Variants in PID1 observed in about 807,000 individuals in gnomAD.
PID1 encodes the protein PTB-containing, cubilin and LRP1-interacting protein.
Under a neutral mutation model 19.1 loss-of-function variants are expected in PID1, and 10 were observed. The observed-to-expected ratio is 0.52, with a 90% CI of 0.32 to 0.89. The LOEUF (loss-of-function observed/expected upper bound fraction) is 0.89. Ranked by LOEUF, PID1 falls within the 40% of genes least tolerant of loss-of-function variation. The probability of loss-of-function intolerance (pLI) is 0.03; values close to 1 mark genes in which losing one functional copy is unlikely to be tolerated. For missense variants in PID1, 248 were observed against 285.3 expected, an observed-to-expected ratio of 0.87 and a Z score of 0.94; for synonymous variants, 130 against 116.0, an observed-to-expected ratio of 1.12 and a Z score of -0.78.
At chr2:229,144,611 G>A (rs749286013) in intron 2 of PID1, among the ~76,000 whole-genome samples, 5 of 151,994 alleles carry the variant, frequency 3.3e-5, no homozygotes, top group Admixed American at 6.6e-5. Flanking sequence ...CTAGCAAAAC[G>A]GAGGAAAGAG....
rs552566375 is a variant in PID1 at position 229,234,117 on chromosome 2, T to A, written c.30+36897A>T. Reference sequence around the variant, plus strand: ...AGCCAGCGCTTCATGAAAGGTTATGTCTTGAACTTAACTTTGAAAAATGAA... The same window carrying A: ...AGCCAGCGCTTCATGAAAGGTTATGACTTGAACTTAACTTTGAAAAATGAA... On this transcript the variant is annotated intron_variant, in intron 1 of 2. Coordinates refer to ENST00000392055, the MANE Select transcript of PID1 (RefSeq NM_001100818.2). Among the ~76,000 whole-genome samples, 16 of 152,260 alleles carry A rather than the reference T, an allele frequency of 1.1e-4. No individual in the cohort carries two copies. In the South Asian group the frequency reaches 3.3e-3, roughly 32 times the overall value.
At chr2:229,086,024 C>T (rs1289365113) in intron 2 of PID1, among the ~76,000 whole-genome samples, 1 of 152,118 alleles carries the variant, frequency 6.6e-6, no homozygotes, top group Non-Finnish European at 1.5e-5. Context: ...AATACATACC[C>T]TATTTTGCGC....
chr2:229,159,956 G>T (rs1690459077), intron 1 of PID1, among the ~76,000 whole-genome samples: 1 of 152,138 alleles, frequency 6.6e-6, no homozygotes, highest in South Asian at 2.1e-4. Context: ...ATCTGAAGGT[G>T]GTTTGCCAAG....
At chr2:229,270,989 C>T (rs746870327) in intron 1 of PID1, 25 bp downstream of exon 1, 1 of 1,385,000 alleles carries the variant, frequency 7.2e-7, no homozygotes, top group Non-Finnish European at 9.3e-7. Context: ...TCCAGGCTGG[C>T]CCCCGGCTCC....
rs866845722 is a variant in PID1, at chr2:229,253,615, A to C, written c.30+17399T>G. ...GCAAAAAAAAAAAAAAAAAAATTGC[A>C]CCCTTTCTCCATCTCCCAGTTAAGC... On this transcript the variant is annotated intron_variant, in intron 1 of 2. Coordinates refer to ENST00000392055, the MANE Select transcript of PID1 (RefSeq NM_001100818.2). Among the ~76,000 whole-genome samples the C allele has an allele frequency of 3.1e-4, 47 of 149,228 alleles. No individual in the cohort carries two copies. In the Middle Eastern group the frequency reaches 0.014, roughly 45 times the overall value.
In PID1 at chr2:229,064,577, G is replaced by A. The variant is rs1039922529; in HGVS notation, c.178-38469C>T. Among the ~76,000 whole-genome samples, 89 of 152,138 alleles carry A rather than the reference G, an allele frequency of 5.8e-4. 1 individual carries two copies. Among genetic ancestry groups the A allele is most frequent in the African/African-American group, 2.1e-3 (86 of 41,512 alleles). On this transcript the variant is annotated intron_variant, in intron 2 of 2. Transcript: ENST00000392055. Reference sequence around the variant, plus strand: ...CTCAAAACATAAGTAATTGTCCCAAGAATTCATTAAATTCATAAATTATCC... The same window carrying A: ...CTCAAAACATAAGTAATTGTCCCAAAAATTCATTAAATTCATAAATTATCC...
intron 2 of PID1, among the ~76,000 whole-genome samples, chr2:229,064,391 C>A (rs1043942086): frequency 6.6e-6 from 1 of 152,016 alleles, no homozygotes; most frequent in Non-Finnish European, 1.5e-5. Context: ...GAAGAAAGAA[C>A]AATTTAGGAA....
chr2:229,192,262 T>G (rs968863626), intron 1 of PID1, among the ~76,000 whole-genome samples: 1 of 152,184 alleles, frequency 6.6e-6, no homozygotes, highest in African/African-American at 2.4e-5. Flanking sequence ...AAAATATGTG[T>G]CAACTGTTGT....
At chr2:229,239,587 G>T (rs540244869) in intron 1 of PID1, among the ~76,000 whole-genome samples, 7 of 152,148 alleles carry the variant, frequency 4.6e-5, no homozygotes, top group African/African-American at 1.7e-4. Context: ...AGGAATAGGG[G>T]ATGGAAAGAA....
At chr2:229,035,506 ATGTG>A (rs3083806) in intron 2 of PID1, among the ~76,000 whole-genome samples, 4,685 of 148,186 alleles carry the variant, frequency 0.032, 92 homozygotes, top group South Asian at 0.047. Flanking sequence ...AATCATTTAT[ATGTG>A]TGTGTGTGTG....
chr2:229,218,337 T>C (rs10174309), intron 1 of PID1, among the ~76,000 whole-genome samples: 60,052 of 136,096 alleles, frequency 0.44, 13,740 homozygotes, highest in Non-Finnish European at 0.53. Flanking sequence ...AAAAGAAATA[T>C]AGAAAAGAAA....
intron 2 of PID1, among the ~76,000 whole-genome samples, chr2:229,084,964 C>A (rs894782385): frequency 2.0e-5 from 3 of 151,482 alleles, no homozygotes; most frequent in African/African-American, 7.3e-5. Context: ...AATCGAGTCA[C>A]CTCTTTTTAA....
intron 1 of PID1, among the ~76,000 whole-genome samples, chr2:229,166,949 C>G (rs1339090766): frequency 7.9e-6 from 1 of 127,098 alleles, no homozygotes; most frequent in Non-Finnish European, 1.6e-5. Flanking sequence ...ATGAACAGTA[C>G]TGAAAAGAAA....
At chr2:229,242,459 C>A (rs535567848) in intron 1 of PID1, among the ~76,000 whole-genome samples, 2 of 152,176 alleles carry the variant, frequency 1.3e-5, no homozygotes, top group African/African-American at 4.8e-5. Context: ...GTAAAACTGG[C>A]TGACTCCATA....
At chr2:229,136,745 C>T (rs898483073) in intron 2 of PID1, among the ~76,000 whole-genome samples, 1 of 152,148 alleles carries the variant, frequency 6.6e-6, no homozygotes, top group Non-Finnish European at 1.5e-5. Context: ...ATTATTAGTG[C>T]TATGTCATCC....
intron 1 of PID1, among the ~76,000 whole-genome samples, chr2:229,249,870 GA>G (rs1690106611): frequency 1.3e-5 from 2 of 151,960 alleles, no homozygotes; most frequent in Non-Finnish European, 2.9e-5. Flanking sequence ...GACAGAAAAG[GA>G]TATTTCAAAG....
intron 1 of PID1, among the ~76,000 whole-genome samples, chr2:229,165,482 G>A (rs1379795813): frequency 2.0e-5 from 3 of 151,974 alleles, no homozygotes; most frequent in Non-Finnish European, 4.4e-5. Flanking sequence ...TTGGGAGGCT[G>A]AGGTGGCAGG....
intron 1 of PID1, among the ~76,000 whole-genome samples, chr2:229,203,788 AC>A (rs1691548756): frequency 1.3e-5 from 2 of 152,096 alleles, no homozygotes. Flanking sequence ...AAGGCTTTGC[AC>A]ATCTTCCCTT....
chr2:229,224,325 A>T (rs1027882105), intron 1 of PID1, among the ~76,000 whole-genome samples: 2 of 152,198 alleles, frequency 1.3e-5, no homozygotes, highest in Admixed American at 6.5e-5. Flanking sequence ...CAATTCCATT[A>T]TTGGGTATCT....
Sources: gnomAD v4.1 joint callset for allele counts (sites outside exome capture counted in the v4.1 genomes callset) on GRCh38, gnomAD v4.1.1 for gene constraint, MANE v1.5 for transcripts, NCBI Gene and HGNC (gene_info 2026-07-23, HGNC 2026-07-21) for gene names.